GMDS: variants seen among roughly 807,000 people sequenced by gnomAD.
The protein encoded by GMDS is GDP-mannose 4,6-dehydratase.
GMDS carries 20 observed loss-of-function variants against 49.9 expected under a neutral mutation model. The ratio of observed to expected loss-of-function variants is 0.40; its 90% CI spans 0.28 to 0.58. GMDS has a LOEUF of 0.58. GMDS is among the 20% of genes least tolerant of loss of function. The pLI is 0.42. For synonymous variants in GMDS, 177 were observed against 178.6 expected (o/e 0.99, Z 0.07); for missense variants, 362 against 481.4 (o/e 0.75, Z 2.32).
chr6:1,740,190 T>C (rs771891788), intron 8 of GMDS, among the ~76,000 whole-genome samples: 8 of 152,180 alleles, frequency 5.3e-5, no homozygotes, highest in Non-Finnish European at 1.2e-4. Flanking sequence ...TGTTAAAATA[T>C]GTTAGAGAGT....
chr6:1,874,693 T>C (rs887331385), intron 7 of GMDS, among the ~76,000 whole-genome samples: 3 of 152,168 alleles, frequency 2.0e-5, no homozygotes, highest in Non-Finnish European at 4.4e-5. Flanking sequence ...ATAAAATACG[T>C]ATATATAATA....
At chr6:1,964,761 T>C (rs891585391) in intron 4 of GMDS, among the ~76,000 whole-genome samples, 4 of 152,176 alleles carry the variant, frequency 2.6e-5, no homozygotes, top group African/African-American at 9.7e-5. Flanking sequence ...ATGTGCCATG[T>C]TGGTGTGCTG....
intron 4 of GMDS, among the ~76,000 whole-genome samples, chr6:2,068,915 G>A (rs774269323): frequency 1.1e-4 from 17 of 152,028 alleles, no homozygotes; most frequent in African/African-American, 3.9e-4. Flanking sequence ...GGAAAAAACT[G>A]CTTTAAAGTT....
At chr6:2,018,304 G>A (rs1768033203) in intron 4 of GMDS, among the ~76,000 whole-genome samples, 1 of 152,130 alleles carries the variant, frequency 6.6e-6, no homozygotes, top group South Asian at 2.1e-4. Flanking sequence ...AAGGAGTTAT[G>A]TCAAGTTCTA....
At position 1,635,612 on chromosome 6, in the gene GMDS, C is replaced by T. The variant is rs1018708796; in HGVS notation, c.988-11072G>A. On this transcript the variant is annotated intron_variant, in intron 9 of 10. Coordinates refer to ENST00000380815, the MANE Select transcript of GMDS (RefSeq NM_001500.4). This position sits in a 1 kb window ranked among gnomAD's most constrained non-coding sequence, Gnocchi z 4.7. ...GACCCTTGGCAGGTGCTTTGTTTGC[C>T]GTCGGGGCCAGCCTCACTGACAAGG... Among the ~76,000 whole-genome samples, 1 of 152,152 alleles carries T rather than the reference C, an allele frequency of 6.6e-6. No homozygotes were observed. The highest frequency in any genetic ancestry group is 1.5e-5 in the Non-Finnish European group (1 of 68,020).
chr6:1,684,017 G>A (rs886401511), intron 9 of GMDS, among the ~76,000 whole-genome samples: 2 of 65,758 alleles, frequency 3.0e-5, no homozygotes, highest in Admixed American at 2.9e-4. Flanking sequence ...TTTTGCCATC[G>A]GGAGGCCTGG....
intron 1 of GMDS, among the ~76,000 whole-genome samples, chr6:2,165,014 T>C (rs1777592593): frequency 6.6e-6 from 1 of 152,234 alleles, no homozygotes; most frequent in Non-Finnish European, 1.5e-5. Flanking sequence ...ATCTTGTATA[T>C]CTCTATTGCC....
At chr6:1,936,720 A>C (rs775310381) in intron 6 of GMDS, among the ~76,000 whole-genome samples, 1 of 152,150 alleles carries the variant, frequency 6.6e-6, no homozygotes, top group Non-Finnish European at 1.5e-5. Context: ...TAATCCCAAC[A>C]CTTTGGGAGG....
At chr6:2,079,977 T>C (rs1772581146) in intron 4 of GMDS, among the ~76,000 whole-genome samples, 1 of 152,206 alleles carries the variant, frequency 6.6e-6, no homozygotes, top group African/African-American at 2.4e-5. Flanking sequence ...CCCATATGTC[T>C]CGAAGGCTTC....
intron 7 of GMDS, among the ~76,000 whole-genome samples, chr6:1,916,958 C>A (rs1349075148): frequency 6.6e-6 from 1 of 151,338 alleles, no homozygotes; most frequent in Non-Finnish European, 1.5e-5. Flanking sequence ...GAATGGATAT[C>A]TTCTTCAAAT....
chr6:2,009,642 A>G (rs961876911), intron 4 of GMDS, among the ~76,000 whole-genome samples: 5 of 152,216 alleles, frequency 3.3e-5, no homozygotes, highest in African/African-American at 1.2e-4. Context: ...GAATAAATCA[A>G]GCAGCAAAGA....
At chr6:1,643,958 C>T (rs1763411151) in intron 9 of GMDS, among the ~76,000 whole-genome samples, 1 of 152,192 alleles carries the variant, frequency 6.6e-6, no homozygotes, top group Non-Finnish European at 1.5e-5. Context: ...CCAAGCCTGA[C>T]TCCTCAGCTG....
At chr6:1,629,388 G>A (rs1181488111) in intron 9 of GMDS, among the ~76,000 whole-genome samples, 1 of 152,084 alleles carries the variant, frequency 6.6e-6, no homozygotes, top group African/African-American at 2.4e-5. Flanking sequence ...AATAAGAGAG[G>A]AGAAGAAAAC....
intron 7 of GMDS, among the ~76,000 whole-genome samples, chr6:1,892,226 T>C (rs1759904019): frequency 6.6e-6 from 1 of 152,022 alleles, no homozygotes; most frequent in South Asian, 2.1e-4. Context: ...ACAATACACA[T>C]ACAGCTTTTA....
At chr6:1,984,960 G>GTCT (rs1765455287) in intron 4 of GMDS, among the ~76,000 whole-genome samples, 1 of 152,180 alleles carries the variant, frequency 6.6e-6, no homozygotes, top group East Asian at 1.9e-4. Context: ...TCAAGGCAAA[G>GTCT]GTGGGATTTC....
chr6:1,781,372 C>T (rs973015140), intron 7 of GMDS, among the ~76,000 whole-genome samples: 7 of 152,196 alleles, frequency 4.6e-5, no homozygotes, highest in Non-Finnish European at 7.3e-5. Flanking sequence ...CCTGGGCTCT[C>T]GCTGCTTACT....
chr6:2,147,611 G>C (rs964590354), intron 1 of GMDS, among the ~76,000 whole-genome samples: 5 of 151,698 alleles, frequency 3.3e-5, no homozygotes, highest in Admixed American at 2.0e-4. Context: ...CATCACTCTA[G>C]AGTCCCCTAC....
intron 9 of GMDS, among the ~76,000 whole-genome samples, chr6:1,692,679 C>T (rs1042736295): frequency 6.6e-6 from 1 of 152,152 alleles, no homozygotes; most frequent in Non-Finnish European, 1.5e-5. Context: ...GTCTAATACG[C>T]CATTAATTAT....
intron 9 of GMDS, among the ~76,000 whole-genome samples, chr6:1,667,709 T>C (rs1764279524): frequency 6.6e-6 from 1 of 152,140 alleles, no homozygotes; most frequent in Non-Finnish European, 1.5e-5. Flanking sequence ...TTTTTCTTTT[T>C]TTTTTGGTCT....
Sources: allele counts gnomAD v4.1 joint callset (sites outside exome capture counted in the v4.1 genomes callset), GRCh38; gene constraint gnomAD v4.1.1; non-coding constraint Gnocchi (gnomAD v3.1); transcripts MANE v1.5; gene names NCBI Gene and HGNC (gene_info 2026-07-23, HGNC 2026-07-21).